Variants in SETD2 observed in about 807,000 individuals in gnomAD.
The protein encoded by SETD2 is SET domain containing 2, histone lysine methyltransferase.
Under a neutral mutation model 242.1 loss-of-function variants are expected in SETD2, and 31 were observed. That is an observed-to-expected ratio of 0.13 (90% CI 0.10 to 0.17). The LOEUF (loss-of-function observed/expected upper bound fraction) is 0.17. Among genes scored for constraint, SETD2 ranks in the 10% least tolerant of loss-of-function variants. SETD2 has a pLI of 1.00. For synonymous variants in SETD2, 1,006 were observed against 1,066.5 expected, an observed-to-expected ratio of 0.94 and a Z score of 1.11; for missense variants, 2,481 against 3,046.3, an observed-to-expected ratio of 0.81 and a Z score of 4.37.
intron 12 of SETD2, among the ~76,000 whole-genome samples, chr3:47,078,656 A>C (rs1305652690): frequency 6.6e-6 from 1 of 151,700 alleles, no homozygotes; most frequent in East Asian, 1.9e-4. Flanking sequence ...CACTAAAGTT[A>C]CACAGAAGAA....
At chr3:47,062,681 C>A (rs1464021517) in intron 13 of SETD2, among the ~76,000 whole-genome samples, 1 of 152,266 alleles carries the variant, frequency 6.6e-6, no homozygotes, top group South Asian at 2.1e-4. Context: ...GTTTACTTGC[C>A]AGTTCAAAAA....
At position 47,042,587 on chromosome 3, in the gene SETD2, C is replaced by T. The variant is rs765007030; in HGVS notation, c.7212G>A (p.Lys2404=). The T allele has an allele frequency of 6.2e-7, 1 of 1,614,086 alleles. No homozygotes were observed. Among genetic ancestry groups the T allele is most frequent in the Admixed American group, 1.7e-5 (1 of 60,010 alleles). ...NWKTARDPEG[K]IYYYHVITRQ... ...TTGTGATCACATGGTAGTAATAAAT[C>T]TTCCCTTCTGGATCTCGAGCTGTCT... The change falls in exon 17 of 21, where the codon AAG becomes AAA. Residue 2404 remains lysine, a synonymous_variant. Coordinates refer to ENST00000409792, the MANE Select transcript of SETD2 (RefSeq NM_014159.7).
chr3:47,074,574 T>C (rs1286160195), intron 12 of SETD2, among the ~76,000 whole-genome samples: 1 of 152,126 alleles, frequency 6.6e-6, no homozygotes, highest in African/African-American at 2.4e-5. Context: ...CTGCCTCTAT[T>C]TAAACTTGGT....
chr3:47,111,192 T>C (rs941893797), intron 5 of SETD2, among the ~76,000 whole-genome samples: 3 of 151,796 alleles, frequency 2.0e-5, no homozygotes, highest in Admixed American at 6.6e-5. Context: ...ACTAGTGATT[T>C]TGGAAATTCA....
At chr3:47,051,240 G>A (rs561391353) in intron 15 of SETD2, among the ~76,000 whole-genome samples, 1 of 152,176 alleles carries the variant, frequency 6.6e-6, no homozygotes, top group South Asian at 2.1e-4. Context: ...GAGTAGCTGG[G>A]ACTACAGGAG....
chr3:47,123,109 C>T lies in SETD2; in HGVS notation c.1527G>A (p.Lys509=), dbSNP rs2106695593. 1 of 1,612,912 alleles carries T rather than the reference C, an allele frequency of 6.2e-7. No homozygotes were observed. Among genetic ancestry groups the T allele is most frequent in the Non-Finnish European group, 8.5e-7 (1 of 1,179,012 alleles). ...TSYLEMERRG[K]YSSKLERESK... is the part of the protein sequence containing the mutation. ...ATTCTCTTTCTAGTTTTGAAGAATA[C>T]TTGCCTCTTCTTTCCATCTCTAAGT... The change falls in exon 3 of 21, where the codon AAG becomes AAA. Residue 509 remains lysine, a synonymous_variant. Transcript: ENST00000409792.
chr3:47,100,266 G>T (rs1272176880), intron 8 of SETD2, among the ~76,000 whole-genome samples: 16 of 151,472 alleles, frequency 1.1e-4, no homozygotes, highest in Admixed American at 7.2e-4. Context: ...TTGTTCGTTT[G>T]CTTTTTATTT....
At chr3:47,156,355 AG>A (rs2044127763) in intron 1 of SETD2, among the ~76,000 whole-genome samples, 2 of 152,258 alleles carry the variant, frequency 1.3e-5, no homozygotes. Flanking sequence ...AGTCCTGCTA[AG>A]GAAACTAGGA....
At chr3:47,158,132 T>C (rs975829507) in intron 1 of SETD2, among the ~76,000 whole-genome samples, 7 of 152,154 alleles carry the variant, frequency 4.6e-5, no homozygotes, top group African/African-American at 1.4e-4. Flanking sequence ...TGTGGATTCC[T>C]TCTCAGTCTA....
intron 4 of SETD2, among the ~76,000 whole-genome samples, chr3:47,115,673 C>T (rs1211122646): frequency 2.6e-5 from 4 of 152,052 alleles, no homozygotes; most frequent in Non-Finnish European, 5.9e-5. Flanking sequence ...TTTGAGACAA[C>T]ATCTCGCTCT....
intron 12 of SETD2, 150 bp from the exon 13 acceptor site, chr3:47,067,268 T>C: frequency 1.6e-6 from 1 of 644,734 alleles, no homozygotes; most frequent in Non-Finnish European, 2.8e-6. Context: ...GGGCTTTAAA[T>C]AAGAATATAT....
chr3:47,035,215 G>A (rs921884764), intron 18 of SETD2, among the ~76,000 whole-genome samples: 19 of 152,156 alleles, frequency 1.2e-4, no homozygotes, highest in Non-Finnish European at 2.4e-4. Flanking sequence ...TCTGGGACAG[G>A]GAGTGAGACT....
intron 9 of SETD2, among the ~76,000 whole-genome samples, chr3:47,095,723 T>C (rs1400077839): frequency 6.9e-6 from 1 of 144,672 alleles, no homozygotes; most frequent in Non-Finnish European, 1.5e-5. Flanking sequence ...TATCCATCAG[T>C]AGGAAAATAT....
intron 7 of SETD2, 61 bp from the exon 8 acceptor site, chr3:47,101,616 G>GTA: frequency 1.2e-6 from 1 of 825,644 alleles, no homozygotes; most frequent in Non-Finnish European, 2.1e-6. Flanking sequence ...GTGTGTGTGT[G>GTA]TGTGTGTGTG....
At chr3:47,098,648 T>G (rs1369536705) in intron 8 of SETD2, among the ~76,000 whole-genome samples, 3 of 151,980 alleles carry the variant, frequency 2.0e-5, no homozygotes, top group African/African-American at 4.8e-5. Context: ...ATACAAAAAT[T>G]AGCTGGGCAT....
intron 18 of SETD2, among the ~76,000 whole-genome samples, chr3:47,030,415 A>T (rs1276245783): frequency 6.6e-6 from 1 of 152,278 alleles, no homozygotes; most frequent in East Asian, 1.9e-4. Context: ...GCTGAAAAAA[A>T]TTTGACAGAG....
rs746756504 is a variant in SETD2 at position 47,116,735 on chromosome 3, G to T, written c.4474C>A (p.Arg1492=). ...LTERKKNKSH[R]DIKRMQCECT... is the part of the protein sequence containing the mutation. ...TCACACTGCATTCGCTTAATATCTC[G>T]ATGAGATTTATTCTTCTTTCTATTG... is the stretch of plus-strand genomic sequence containing the variant. Residue 1492 remains arginine (R), a synonymous_variant, in exon 4 of 21, where the codon CGA becomes AGA. Transcript: ENST00000409792. 2 of 1,598,486 alleles carry T rather than the reference G, an allele frequency of 1.3e-6. No individual in the cohort carries two copies. Among genetic ancestry groups the T allele is most frequent in the Non-Finnish European group, 1.7e-6 (2 of 1,168,770 alleles).
intron 1 of SETD2, among the ~76,000 whole-genome samples, chr3:47,148,848 T>A (rs1447631446): frequency 2.0e-5 from 3 of 152,154 alleles, no homozygotes; most frequent in Non-Finnish European, 4.4e-5. Context: ...GATCACTACA[T>A]GGAATAATGG....
chr3:47,103,536 C>T (rs192973455), intron 6 of SETD2, 113 bp from the exon 7 acceptor site: 7 of 785,346 alleles, frequency 8.9e-6, no homozygotes, highest in Middle Eastern at 6.0e-4. Flanking sequence ...GATTGTGCTG[C>T]GAAACCTAAC....
Sources: gnomAD v4.1 joint callset for allele counts (sites outside exome capture counted in the v4.1 genomes callset) on GRCh38, gnomAD v4.1.1 for gene constraint, MANE v1.5 for transcripts, NCBI Gene and HGNC (gene_info 2026-07-23, HGNC 2026-07-21) for gene names.